The following AXIN1 variants were observed in gnomAD, a reference collection of about 807,000 sequenced individuals.
AXIN1 encodes the protein axin-1.
AXIN1 carries 30 observed loss-of-function variants against 76.4 expected under a neutral mutation model. The observed-to-expected ratio is 0.39, with a 90% CI of 0.29 to 0.53. The LOEUF (loss-of-function observed/expected upper bound fraction) is 0.53, where lower values mean the gene tolerates loss of function less well. Among genes scored for constraint, AXIN1 ranks in the 20% least tolerant of loss-of-function variants. The pLI, the probability that AXIN1 is intolerant of heterozygous loss-of-function variation, is 0.66. For missense variants in AXIN1, 1,140 were observed against 1,198.8 expected (o/e 0.95, Z 0.72); for synonymous variants, 545 against 501.4 (o/e 1.09, Z -1.16).
chr16:320,809 G>C (rs527823715), intron 2 of AXIN1, among the ~76,000 whole-genome samples: 1 of 53,066 alleles, frequency 1.9e-5, no homozygotes, highest in African/African-American at 1.1e-4. Context: ...GCGCGATCTC[G>C]GCTCACTACA....
At chr16:296,026 G>A (rs1448002085) in intron 7 of AXIN1, among the ~76,000 whole-genome samples, 2 of 152,238 alleles carry the variant, frequency 1.3e-5, no homozygotes, top group African/African-American at 2.4e-5. Context: ...AGCATTTTGG[G>A]AGGCCAAGGT....
Position 306,975 on chromosome 16 carries a change from G to A in AXIN1, c.1117-2534C>T, listed in dbSNP as rs999263630. ...CAAGCCACCCTTTCCCGCTGCACCCGGGGCCTGGAGGCTGGGTGGCTGGGG... is the reference window on the plus strand; with the variant it reads ...CAAGCCACCCTTTCCCGCTGCACCCAGGGCCTGGAGGCTGGGTGGCTGGGG... On this transcript the variant is annotated intron_variant, in intron 4 of 10. Coordinates refer to ENST00000262320, the MANE Select transcript of AXIN1 (RefSeq NM_003502.4). Among the ~76,000 whole-genome samples, 5 of 152,326 alleles carry A rather than the reference G, an allele frequency of 3.3e-5. No homozygotes were observed. In the South Asian group the frequency reaches 6.2e-4, roughly 19 times the overall value.
chr16:333,188 T>C (rs890817705), intron 2 of AXIN1, among the ~76,000 whole-genome samples: 1 of 151,872 alleles, frequency 6.6e-6, no homozygotes, highest in Non-Finnish European at 1.5e-5. Context: ...CAAAATTAGC[T>C]GGGTGTGGTG....
intron 2 of AXIN1, among the ~76,000 whole-genome samples, chr16:336,894 A>C (rs2053816641): frequency 1.3e-5 from 2 of 151,668 alleles, no homozygotes; most frequent in Non-Finnish European, 2.9e-5. Flanking sequence ...TCACGCCTGT[A>C]ATCCCAGCAC....
At chr16:352,269 G>A (rs2054161926) in intron 1 of AXIN1, 100 bp downstream of exon 1, 2 of 741,422 alleles carry the variant, frequency 2.7e-6, no homozygotes, top group South Asian at 5.9e-5. Flanking sequence ...CCACCCCCTC[G>A]GTCCCACGCG....
Position 318,579 on chromosome 16 carries a change from C to T in AXIN1, c.879-3896G>A, listed in dbSNP as rs552570615. 3.9e-5 allele frequency among the ~76,000 whole-genome samples: 6 copies of T among 152,278 alleles called. No individual in the cohort carries two copies. In the South Asian group the frequency reaches 6.2e-4, roughly 16 times the overall value. On this transcript the variant is annotated intron_variant, in intron 2 of 10. Coordinates refer to ENST00000262320, the MANE Select transcript of AXIN1 (RefSeq NM_003502.4). ...ACCAAGAACGTTCTGGTCAAAGACA[C>T]GTCCAAGGGGAGGTCACATGGGAGT...
intron 5 of AXIN1, 27 bp from the exon 6 acceptor site, chr16:298,278 C>A: frequency 6.5e-7 from 1 of 1,537,280 alleles, no homozygotes. Context: ...AGCACCATCA[C>A]CTCTCAGCAC....
intron 2 of AXIN1, among the ~76,000 whole-genome samples, chr16:329,579 G>A (rs553769994): frequency 6.6e-6 from 1 of 152,090 alleles, no homozygotes; most frequent in East Asian, 2.0e-4. Context: ...CCGAGTAGAT[G>A]GGATTACAGG....
chr16:347,149 C>A, intron 1 of AXIN1, 43 bp from the exon 2 acceptor site: 2 of 1,546,942 alleles, frequency 1.3e-6, no homozygotes, highest in Non-Finnish European at 1.8e-6. Context: ...AAAGGTGGGT[C>A]CATGAAACAC....
At position 295,759 on chromosome 16, in the gene AXIN1, C is replaced by T. The variant is rs529649358; in HGVS notation, c.1955+1297G>A. ...GGCGGATCACCAAAGGTTGGGAGTT[C>T]GAGATCAGCCTAACATGGCAACCAC... is the stretch of plus-strand genomic sequence containing the variant. On this transcript the variant is annotated intron_variant, in intron 7 of 10. Transcript: ENST00000262320. Among the ~76,000 whole-genome samples the T allele has an allele frequency of 2.6e-5, 4 of 151,628 alleles. 1 individual carries two copies. The South Asian group carries it at 6.3e-4, about 24-fold the overall frequency.
In AXIN1 at chr16:291,459, C is replaced by T. The variant is rs2052559224; in HGVS notation, c.2187-162G>A. 5.9e-6 allele frequency: 4 copies of T among 675,362 alleles called. No homozygotes were observed. The Admixed American group carries it at 8.4e-5, about 14-fold the overall frequency. 41.8% of individuals were successfully genotyped at this position (675,362 alleles called of 1,614,324 possible). On this transcript the variant is annotated intron_variant, in intron 8 of 10. Coordinates refer to ENST00000262320, the MANE Select transcript of AXIN1 (RefSeq NM_003502.4). The stretch of plus-strand genomic sequence containing the variant: ...TGCAGGGTAGACAAGACACCGAGTC[C>T]CCTCCTAGGCCTGCCTTGGTGGTAC...
intron 4 of AXIN1, among the ~76,000 whole-genome samples, chr16:305,059 C>T (rs2052982383): frequency 6.6e-6 from 1 of 152,202 alleles, no homozygotes; most frequent in Non-Finnish European, 1.5e-5. Context: ...CAGAGAAGCA[C>T]TCGAGGAGAC....
At chr16:292,858 G>A (rs992812008) in intron 8 of AXIN1, 2 of 153,242 alleles carry the variant, frequency 1.3e-5, no homozygotes, top group Admixed American at 6.5e-5. Flanking sequence ...GTCTGGCTAC[G>A]GAGCCCAGAA....
At chr16:336,899 C>T (rs1490321030) in intron 2 of AXIN1, among the ~76,000 whole-genome samples, 2 of 151,202 alleles carry the variant, frequency 1.3e-5, no homozygotes, top group Non-Finnish European at 2.9e-5. Context: ...CCTGTAATCC[C>T]AGCACTTTGG....
intron 5 of AXIN1, 111 bp from the exon 6 acceptor site, chr16:298,362 G>T: frequency 6.9e-7 from 1 of 1,448,376 alleles, no homozygotes; most frequent in Non-Finnish European, 9.4e-7. Flanking sequence ...TCCCAGCCCA[G>T]GGTGGCCGGG....
intron 2 of AXIN1, among the ~76,000 whole-genome samples, chr16:325,158 C>G (rs920377958): frequency 2.6e-5 from 4 of 152,090 alleles, no homozygotes; most frequent in African/African-American, 7.2e-5. Flanking sequence ...CGGGCGGCCC[C>G]GCACCCCAGG....
At chr16:318,916 G>A (rs1473488212) in intron 2 of AXIN1, among the ~76,000 whole-genome samples, 2 of 152,030 alleles carry the variant, frequency 1.3e-5, no homozygotes, top group Non-Finnish European at 2.9e-5. Flanking sequence ...CTTGGTGAGA[G>A]TGGCTCTGAC....
intron 3 of AXIN1, among the ~76,000 whole-genome samples, chr16:312,303 G>A (rs745867203): frequency 2.2e-4 from 33 of 152,130 alleles, no homozygotes; most frequent in Non-Finnish European, 4.3e-4. Flanking sequence ...TTTCGAGTAC[G>A]TGTAGCAATT....
In AXIN1 at chr16:293,057, G is replaced by T. The variant is rs1259896336; in HGVS notation, c.2186+431C>A. 4.4e-6 allele frequency: 1 copy of T among 229,644 alleles called. No individual in the cohort carries two copies. Among genetic ancestry groups the T allele is most frequent in the African/African-American group, 2.2e-5 (1 of 44,670 alleles). 14.2% of individuals were successfully genotyped at this position (229,644 alleles called of 1,614,324 possible). A position where few individuals can be genotyped will look rare whatever the true frequency, so the allele number is the denominator to read the frequency against. ...TTCAGAACCACGTAGCTTTCCGACCGTGCAGAGCCACTCAGGGCTCCTGGG... is the reference window on the plus strand; with the variant it reads ...TTCAGAACCACGTAGCTTTCCGACCTTGCAGAGCCACTCAGGGCTCCTGGG... On this transcript the variant is annotated intron_variant, in intron 8 of 10. Coordinates refer to ENST00000262320, the MANE Select transcript of AXIN1 (RefSeq NM_003502.4). The surrounding 1 kb of genome is among the most constrained non-coding windows in gnomAD (Gnocchi z 4.6).
Sources: gnomAD v4.1 joint callset for allele counts (sites outside exome capture counted in the v4.1 genomes callset) on GRCh38, gnomAD v4.1.1 for gene constraint, Gnocchi (gnomAD v3.1) non-coding constraint, MANE v1.5 for transcripts, NCBI Gene and HGNC (gene_info 2026-07-23, HGNC 2026-07-21) for gene names.